The following SUCLG2 variants were observed in gnomAD, a reference collection of about 807,000 sequenced individuals.
SUCLG2 encodes succinate-CoA ligase GDP-forming subunit beta, also known as succinate--CoA ligase [GDP-forming] subunit beta, mitochondrial.
Under a neutral mutation model 47.9 loss-of-function variants are expected in SUCLG2, and 42 were observed. The ratio of observed to expected loss-of-function variants is 0.88; its 90% CI spans 0.69 to 1.14. The LOEUF is 1.14. Ranked by LOEUF, SUCLG2 falls within the 50% of genes most tolerant of loss-of-function variation. The pLI is 0.00. For synonymous variants in SUCLG2, 195 were observed against 197.3 expected, an observed-to-expected ratio of 0.99 and a Z score of 0.10; for missense variants, 571 against 525.9, an observed-to-expected ratio of 1.09 and a Z score of -0.84.
chr3:67,384,237 T>C (rs1052704899), intron 10 of SUCLG2, among the ~76,000 whole-genome samples: 12 of 152,170 alleles, frequency 7.9e-5, no homozygotes, highest in Admixed American at 5.9e-4. Flanking sequence ...CTTACTTGAC[T>C]CTCACGAGAC....
intron 2 of SUCLG2, among the ~76,000 whole-genome samples, chr3:67,564,471 C>T (rs1230494220): frequency 3.3e-5 from 5 of 152,194 alleles, no homozygotes; most frequent in Admixed American, 3.3e-4. Context: ...AAACAAAACG[C>T]CACAGGTATA....
chr3:67,578,159 A>G lies in SUCLG2; in HGVS notation c.226+31296T>C, dbSNP rs371952850. The stretch of plus-strand genomic sequence containing the variant: ...GATTTATAAGTTACACAATGAATAA[A>G]TAGCATAAACTCAATAATATAAGGA... On this transcript the variant is annotated intron_variant, in intron 2 of 10. Transcript: ENST00000307227. Among the ~76,000 whole-genome samples, 23 of 150,392 alleles carry G rather than the reference A, an allele frequency of 1.5e-4. No individual in the cohort carries two copies. In the East Asian group the frequency reaches 4.1e-3, roughly 27 times the overall value.
intron 9 of SUCLG2, among the ~76,000 whole-genome samples, chr3:67,466,009 T>C (rs774310750): frequency 4.6e-5 from 7 of 152,182 alleles, no homozygotes; most frequent in Non-Finnish European, 8.8e-5. Context: ...CAAGCAGTAC[T>C]CTTTTAATGA....
chr3:67,597,900 T>G (rs1708330321), intron 2 of SUCLG2, among the ~76,000 whole-genome samples: 1 of 151,744 alleles, frequency 6.6e-6, no homozygotes, highest in Admixed American at 6.6e-5. Context: ...ATCGTGCCCC[T>G]GCATTCCAGC....
At chr3:67,583,774 A>G (rs1420257389) in intron 2 of SUCLG2, among the ~76,000 whole-genome samples, 3 of 152,206 alleles carry the variant, frequency 2.0e-5, no homozygotes, top group Non-Finnish European at 4.4e-5. Flanking sequence ...TGAAGCCAAC[A>G]ATGGTACATC....
intron 7 of SUCLG2, among the ~76,000 whole-genome samples, chr3:67,507,470 A>G (rs1705668801): frequency 6.6e-6 from 1 of 150,928 alleles, no homozygotes; most frequent in Non-Finnish European, 1.5e-5. Context: ...ATTTCATCTT[A>G]TTTTCACAAC....
chr3:67,454,312 C>A (rs1704128486), intron 9 of SUCLG2, among the ~76,000 whole-genome samples: 1 of 151,856 alleles, frequency 6.6e-6, no homozygotes, highest in Non-Finnish European at 1.5e-5. Context: ...GGTTTGAGAT[C>A]CAGGAACAGA....
At chr3:67,385,036 CT>C (rs538863882) in intron 10 of SUCLG2, among the ~76,000 whole-genome samples, 257 of 152,342 alleles carry the variant, frequency 1.7e-3, no homozygotes, top group African/African-American at 4.8e-3. Context: ...ACTGAATCAC[CT>C]GTAAGTCTCG....
chr3:67,632,168 T>C (rs887533135), intron 1 of SUCLG2, among the ~76,000 whole-genome samples: 4 of 152,220 alleles, frequency 2.6e-5, no homozygotes, highest in South Asian at 2.1e-4. Context: ...CAAGCACAAA[T>C]TCTACAGGGA....
intron 2 of SUCLG2, among the ~76,000 whole-genome samples, chr3:67,599,479 G>A (rs77295797): frequency 0.012 from 1,770 of 152,282 alleles, 42 homozygotes; most frequent in African/African-American, 0.04. Flanking sequence ...GTCTCAACGG[G>A]ATCCAGGTTT....
At chr3:67,638,020 C>T (rs1701037768) in intron 1 of SUCLG2, among the ~76,000 whole-genome samples, 1 of 152,136 alleles carries the variant, frequency 6.6e-6, no homozygotes, top group Non-Finnish European at 1.5e-5. Flanking sequence ...ACATGTTAAA[C>T]TACATATATG....
chr3:67,384,704 G>C (rs1282059527), intron 10 of SUCLG2, among the ~76,000 whole-genome samples: 3 of 152,096 alleles, frequency 2.0e-5, no homozygotes, highest in African/African-American at 4.8e-5. Flanking sequence ...ACCCACCTAT[G>C]GTCTCTTTGA....
intron 9 of SUCLG2, among the ~76,000 whole-genome samples, chr3:67,415,912 G>A (rs1703029549): frequency 6.6e-6 from 1 of 152,140 alleles, no homozygotes; most frequent in Admixed American, 6.5e-5. Flanking sequence ...GGGTATTGGG[G>A]CTCCTTCCTA....
intron 7 of SUCLG2, among the ~76,000 whole-genome samples, chr3:67,504,381 T>C (rs1705582748): frequency 6.6e-6 from 1 of 152,054 alleles, no homozygotes; most frequent in African/African-American, 2.4e-5. Context: ...GGGTGGTTAT[T>C]TAGGGAAATC....
chr3:67,446,785 A>G (rs892762674), intron 9 of SUCLG2, among the ~76,000 whole-genome samples: 7 of 152,094 alleles, frequency 4.6e-5, no homozygotes, highest in Non-Finnish European at 8.8e-5. Flanking sequence ...AATGTTGGTC[A>G]TTAAAAGGGT....
At chr3:67,580,496 C>T (rs1418637863) in intron 2 of SUCLG2, among the ~76,000 whole-genome samples, 1 of 152,100 alleles carries the variant, frequency 6.6e-6, no homozygotes, top group Non-Finnish European at 1.5e-5. Context: ...AAAGATACAT[C>T]TTCAAAGTGG....
At chr3:67,498,965 G>A (rs1181487165) in intron 7 of SUCLG2, among the ~76,000 whole-genome samples, 2 of 152,092 alleles carry the variant, frequency 1.3e-5, no homozygotes, top group Admixed American at 6.5e-5. Context: ...CCAGAGGGTC[G>A]ACTTTTCACA....
intron 7 of SUCLG2, among the ~76,000 whole-genome samples, chr3:67,505,734 G>C (rs1359508185): frequency 6.6e-6 from 1 of 152,172 alleles, no homozygotes; most frequent in Non-Finnish European, 1.5e-5. Flanking sequence ...GGCCGAGGTG[G>C]GTGGATCACC....
chr3:67,542,243 G>A (rs774876237), intron 2 of SUCLG2, among the ~76,000 whole-genome samples: 6 of 152,090 alleles, frequency 3.9e-5, no homozygotes, highest in African/African-American at 7.2e-5. Context: ...TTTCATAAAC[G>A]AAGGAGAAAT....
Sources: allele counts gnomAD v4.1 joint callset (sites outside exome capture counted in the v4.1 genomes callset), GRCh38; gene constraint gnomAD v4.1.1; transcripts MANE v1.5; gene names NCBI Gene and HGNC (gene_info 2026-07-23, HGNC 2026-07-21).